The following NEK4 variants were observed in gnomAD, a reference collection of about 807,000 sequenced individuals.
NEK4 encodes the protein serine/threonine-protein kinase Nek4.
In NEK4, 86 loss-of-function variants were observed where a neutral mutation model predicts 98.4. The observed-to-expected ratio is 0.87, with a 90% CI of 0.73 to 1.05. The LOEUF is 1.05. NEK4 is among the 50% of genes least tolerant of loss of function. The probability of loss-of-function intolerance (pLI) is 0.00; values close to 1 mark genes in which losing one functional copy is unlikely to be tolerated. For missense variants in NEK4, 898 were observed against 950.3 expected, an observed-to-expected ratio of 0.94 and a Z score of 0.72; for synonymous variants, 328 against 342.2, an observed-to-expected ratio of 0.96 and a Z score of 0.46.
chr3:52,732,254 C>T (rs934237669), intron 15 of NEK4, among the ~76,000 whole-genome samples: 9 of 152,012 alleles, frequency 5.9e-5, no homozygotes, highest in African/African-American at 2.4e-5. Context: ...AGTGCAGTGG[C>T]GCGATCTTGG....
chr3:52,751,896 T>C (rs368161963), intron 7 of NEK4, 36 bp downstream of exon 7: 10 of 1,570,108 alleles, frequency 6.4e-6, no homozygotes, highest in Non-Finnish European at 8.6e-6. Flanking sequence ...CAGTCTTCTC[T>C]CCAAAACCAG....
chr3:52,715,751 C>G (rs953333114), intron 15 of NEK4, among the ~76,000 whole-genome samples: 1 of 152,206 alleles, frequency 6.6e-6, no homozygotes, highest in Non-Finnish European at 1.5e-5. Flanking sequence ...CCACATACCC[C>G]TTCCTGGTCA....
At chr3:52,767,512 G>C (rs372812321) in intron 2 of NEK4, among the ~76,000 whole-genome samples, 2 of 151,796 alleles carry the variant, frequency 1.3e-5, no homozygotes, top group South Asian at 2.1e-4. Flanking sequence ...AAGAGTTCGA[G>C]ACCAGCCTGG....
Position 52,709,838 on chromosome 3 carries a change from G to A in NEK4, c.*1939C>T, listed in dbSNP as rs34182518. 0.059 allele frequency: 9,019 copies of A among 152,158 alleles called. 364 individuals carry two copies. Among genetic ancestry groups the A allele is most frequent in the Non-Finnish European group, 0.085 (5,798 of 67,996 alleles). The allele number at this position is 152,158 out of a possible 1,614,324, so 9.4% of individuals were successfully genotyped here. ...CGATGTGGATTTCCAAAACATGCAC[G>A]GAAAGGTGAATAGCTCAAGGATACC... is the stretch of plus-strand genomic sequence containing the variant. On this transcript the variant is annotated 3_prime_UTR_variant, in exon 16 of 16. Transcript: ENST00000233027.
In NEK4 at chr3:52,752,278, G is replaced by C; in HGVS notation, c.1022C>G (p.Pro341Arg). 1.2e-6 allele frequency: 2 copies of C among 1,614,124 alleles called. No individual in the cohort carries two copies. The highest frequency in any genetic ancestry group is 1.7e-6 in the Non-Finnish European group (2 of 1,180,034). The change falls in exon 7 of 16, where the codon CCT (proline) becomes CGT (arginine). Residue 341 changes from proline (P) to arginine (R), a missense_variant. Physicochemically the swap from Pro to Arg is moderately radical, Grantham distance 103. Coordinates refer to ENST00000233027, the MANE Select transcript of NEK4 (RefSeq NM_003157.6). ...KPRASGLLKS[P>R]ASLKAHTCKQ... Reference sequence around the variant, plus strand: ...GCAGGTATGGGCTTTCAGACTGGCAGGTGACTTCAAGAGACCAGAGGCCCT... The same window carrying C: ...GCAGGTATGGGCTTTCAGACTGGCACGTGACTTCAAGAGACCAGAGGCCCT...
At chr3:52,734,893 G>C in intron 15 of NEK4, 1 of 246,164 alleles carries the variant, frequency 4.1e-6, no homozygotes, top group South Asian at 4.9e-5. Context: ...AACAAAGCCA[G>C]TCTTAGAATA....
At chr3:52,752,594 G>C (rs1351249345) in intron 6 of NEK4, among the ~76,000 whole-genome samples, 1 of 151,912 alleles carries the variant, frequency 6.6e-6, no homozygotes, top group Non-Finnish European at 1.5e-5. Context: ...GCAGATGAAG[G>C]GATAAACAAA....
chr3:52,720,320 C>G (rs898577219), intron 15 of NEK4, among the ~76,000 whole-genome samples: 4 of 151,706 alleles, frequency 2.6e-5, no homozygotes, highest in Non-Finnish European at 4.4e-5. Flanking sequence ...GAGCAAGACT[C>G]TGTCTCAAAA....
chr3:52,718,805 G>A (rs796995358), intron 15 of NEK4, among the ~76,000 whole-genome samples: 17 of 152,300 alleles, frequency 1.1e-4, no homozygotes, highest in African/African-American at 3.1e-4. Flanking sequence ...CCAGGCTGGA[G>A]TGCAATGGCA....
At chr3:52,715,020 C>A (rs1342054093) in intron 15 of NEK4, among the ~76,000 whole-genome samples, 1 of 152,210 alleles carries the variant, frequency 6.6e-6, no homozygotes, top group Non-Finnish European at 1.5e-5. Flanking sequence ...CATGAACAGC[C>A]TGGGCCCCGG....
chr3:52,729,443 T>G (rs1304283456), intron 15 of NEK4, among the ~76,000 whole-genome samples: 1 of 151,942 alleles, frequency 6.6e-6, no homozygotes, highest in African/African-American at 2.4e-5. Context: ...GCACGGTGGC[T>G]CACACCTGTA....
At position 52,766,349 on chromosome 3, in the gene NEK4, A is replaced by G; in HGVS notation, c.387T>C (p.His129=). The G allele has an allele frequency of 6.2e-7, 1 of 1,613,686 alleles. No homozygotes were observed. Among genetic ancestry groups the G allele is most frequent in the Non-Finnish European group, 8.5e-7 (1 of 1,179,604 alleles). The change falls in exon 3 of 16, where the codon CAT becomes CAC. Residue 129 remains histidine (H), a synonymous_variant. Transcript: ENST00000233027. ...AGACATTTTGAGTTTTCAGATCTCG[A>G]TGAAGGATGTGTTTTTCATGTAAAT... The part of the protein sequence containing the change: ...LQYLHEKHIL[H]RDLKTQNVFL...
Position 52,770,692 on chromosome 3 carries a change from C to G in NEK4, c.55G>C (p.Glu19Gln), listed in dbSNP as rs867478237. ...LRVVGKGSYG[E>Q]VTLVKHRRDG... ...CGCCGGTGCTTCACAAGCGTCACCT[C>G]TCCATAGCTCCCCTTGCCCACGACC... Residue 19 changes from glutamate to glutamine, a missense_variant, in exon 1 of 16, where the codon GAG (glutamate) becomes CAG (glutamine). Transcript: ENST00000233027. 6.3e-7 allele frequency: 1 copy of G among 1,576,274 alleles called. No homozygotes were observed. Among genetic ancestry groups the G allele is most frequent in the Non-Finnish European group, 8.6e-7 (1 of 1,162,074 alleles).
chr3:52,766,368 T>A lies in NEK4; in HGVS notation c.368A>T (p.His123Leu), dbSNP rs1319742387. 6.2e-7 allele frequency: 1 copy of A among 1,610,852 alleles called. No homozygotes were observed. Among genetic ancestry groups the A allele is most frequent in the Non-Finnish European group, 8.5e-7 (1 of 1,177,056 alleles). ...VQIAMALQYLHEKHILHRDLK... is the reference protein window; with the variant it reads ...VQIAMALQYLLEKHILHRDLK... ...ATCTCGATGAAGGATGTGTTTTTCA[T>A]GTAAATACTGAGGAAAGAAACAAGA... The change falls in exon 3 of 16, where the codon CAT (histidine) becomes CTT (leucine). Residue 123 changes from histidine (H) to leucine (L), a missense_variant. His to Leu is a moderately conservative substitution (Grantham distance 99). Coordinates refer to ENST00000233027, the MANE Select transcript of NEK4 (RefSeq NM_003157.6).
chr3:52,738,764 G>T (rs2097380743), intron 14 of NEK4, among the ~76,000 whole-genome samples: 1 of 152,008 alleles, frequency 6.6e-6, no homozygotes, highest in Non-Finnish European at 1.5e-5. Context: ...TAAAAATCTT[G>T]TTATACTGAC....
Position 52,756,648 on chromosome 3 carries a change from C to T in NEK4, c.963+4147G>A, listed in dbSNP as rs149804479. The stretch of plus-strand genomic sequence containing the variant: ...AAATGTAAGACCTAAAACTATAAAA[C>T]TCTCAGAAGAAGACATAAGGCAAAG... On this transcript the variant is annotated intron_variant, in intron 6 of 15. Coordinates refer to ENST00000233027, the MANE Select transcript of NEK4 (RefSeq NM_003157.6). 4.8e-4 allele frequency among the ~76,000 whole-genome samples: 73 copies of T among 152,160 alleles called. 2 individuals carry two copies. The East Asian group carries it at 0.013, about 26-fold the overall frequency.
At chr3:52,717,287 A>G (rs1001109980) in intron 15 of NEK4, among the ~76,000 whole-genome samples, 6 of 151,880 alleles carry the variant, frequency 4.0e-5, no homozygotes, top group African/African-American at 1.5e-4. Context: ...AGTGCCTATA[A>G]TCCCAGCTAC....
chr3:52,745,223 T>TG (rs1261476378), intron 10 of NEK4, among the ~76,000 whole-genome samples: 3 of 151,810 alleles, frequency 2.0e-5, no homozygotes, highest in Admixed American at 6.6e-5. Flanking sequence ...CTGGCCTACT[T>TG]GGTTTCTTTA....
chr3:52,763,581 A>G lies in NEK4; in HGVS notation c.710T>C (p.Leu237Pro). The change falls in exon 5 of 16, where the codon CTG (leucine) becomes CCG (proline). Residue 237 changes from leucine (L) to proline (P), a missense_variant. Physicochemically the swap from Leu to Pro is moderately conservative, Grantham distance 98 (BLOSUM62 -3). Transcript: ENST00000233027. ...PRDYSPELAELIRTMLSKRPE... is the reference protein window; with the variant it reads ...PRDYSPELAEPIRTMLSKRPE... ...CCTTTTGCTCAGCATTGTTCTTATC[A>G]GTTCTGCCAGCTCTGGGCTGTAATC... The G allele has an allele frequency of 6.2e-7, 1 of 1,612,752 alleles. No homozygotes were observed. The highest frequency in any genetic ancestry group is 1.1e-5 in the South Asian group (1 of 90,854).
Sources: allele counts gnomAD v4.1 joint callset (sites outside exome capture counted in the v4.1 genomes callset), GRCh38; gene constraint gnomAD v4.1.1; transcripts MANE v1.5; gene names NCBI Gene and HGNC (gene_info 2026-07-23, HGNC 2026-07-21).